The following FAM168A variants were observed in gnomAD, a reference collection of about 807,000 sequenced individuals.
FAM168A encodes family with sequence similarity 168 member A, also known as protein FAM168A.
In FAM168A, 3 loss-of-function variants were observed where a neutral mutation model predicts 28.5. The observed-to-expected ratio is 0.11, with a 90% CI of 0.05 to 0.27. FAM168A has a LOEUF of 0.27. Among genes scored for constraint, FAM168A ranks in the 10% least tolerant of loss-of-function variants. FAM168A has a pLI of 1.00. For missense variants in FAM168A, 222 were observed against 311.5 expected (o/e 0.71, Z 2.16); for synonymous variants, 122 against 124.2 (o/e 0.98, Z 0.12).
intron 2 of FAM168A, among the ~76,000 whole-genome samples, chr11:73,448,278 C>T (rs934399625): frequency 6.6e-6 from 1 of 152,082 alleles, no homozygotes; most frequent in African/African-American, 2.4e-5. Context: ...GATTTCTTGA[C>T]CTTGTGATCC....
At chr11:73,437,348 G>A (rs112003571) in intron 2 of FAM168A, among the ~76,000 whole-genome samples, 2 of 150,902 alleles carry the variant, frequency 1.3e-5, no homozygotes, top group East Asian at 1.9e-4. Context: ...CACCCACCTC[G>A]GCCTCCCAAA....
At chr11:73,591,967 A>G (rs1944387624) in intron 1 of FAM168A, among the ~76,000 whole-genome samples, 4 of 152,228 alleles carry the variant, frequency 2.6e-5, no homozygotes, top group African/African-American at 9.6e-5. Context: ...ACTCAAAATA[A>G]AAGATAGAGG....
At chr11:73,575,745 T>C (rs1944164793) in intron 1 of FAM168A, among the ~76,000 whole-genome samples, 1 of 152,038 alleles carries the variant, frequency 6.6e-6, no homozygotes, top group African/African-American at 2.4e-5. Context: ...GGCAGGAACC[T>C]ATACTCCCAG....
chr11:73,519,437 C>A (rs1943348117), intron 1 of FAM168A, among the ~76,000 whole-genome samples: 1 of 152,188 alleles, frequency 6.6e-6, no homozygotes, highest in South Asian at 2.1e-4. Context: ...AGAGTTTACA[C>A]TCTAGAGGAG....
rs527431966 is a variant in FAM168A at position 73,492,977 on chromosome 11, G to A, written c.-18-24485C>T. 2.4e-4 allele frequency among the ~76,000 whole-genome samples: 36 copies of A among 152,200 alleles called. 1 individual carries two copies. The South Asian group carries it at 7.0e-3, about 30-fold the overall frequency. ...ACTTATAAGCAGGAACTAAACATTG[G>A]GTAAGCATGGACAAAAAGATGGCAA... is the stretch of plus-strand genomic sequence containing the variant. On this transcript the variant is annotated intron_variant, in intron 1 of 7. Coordinates refer to ENST00000356467, the MANE Select transcript of FAM168A (RefSeq NM_015159.3).
At chr11:73,429,131 A>ATT (rs1447867835) in intron 3 of FAM168A, among the ~76,000 whole-genome samples, 1 of 152,204 alleles carries the variant, frequency 6.6e-6, no homozygotes, top group Non-Finnish European at 1.5e-5. Flanking sequence ...AATCTAGGAA[A>ATT]TGACACAGTG....
At chr11:73,411,315 C>T in intron 5 of FAM168A, 79 bp downstream of exon 5, 1 of 1,477,110 alleles carries the variant, frequency 6.8e-7, no homozygotes, top group South Asian at 1.4e-5. Flanking sequence ...TCCCTCACTT[C>T]CTCACCCTAC....
intron 1 of FAM168A, among the ~76,000 whole-genome samples, chr11:73,543,127 C>G (rs1238443971): frequency 6.6e-6 from 1 of 152,150 alleles, no homozygotes; most frequent in Non-Finnish European, 1.5e-5. Flanking sequence ...TTTTCCCATA[C>G]ACTGCCTGTT....
intron 1 of FAM168A, among the ~76,000 whole-genome samples, chr11:73,582,252 T>G (rs1944257147): frequency 6.6e-6 from 1 of 151,440 alleles, no homozygotes; most frequent in East Asian, 2.0e-4. Context: ...CCGGGCACCG[T>G]GACTCATGCC....
At chr11:73,418,489 A>C (rs560173721) in intron 4 of FAM168A, among the ~76,000 whole-genome samples, 1 of 152,380 alleles carries the variant, frequency 6.6e-6, no homozygotes, top group African/African-American at 2.4e-5. Flanking sequence ...CCGTAAGCCA[A>C]TTAAACCTCT....
At chr11:73,482,534 G>C (rs962742426) in intron 1 of FAM168A, among the ~76,000 whole-genome samples, 1 of 151,758 alleles carries the variant, frequency 6.6e-6, no homozygotes, top group Non-Finnish European at 1.5e-5. Flanking sequence ...AGAAATACAG[G>C]TGTTTGTTGA....
intron 1 of FAM168A, among the ~76,000 whole-genome samples, chr11:73,529,958 T>C (rs913621432): frequency 6.6e-6 from 1 of 152,018 alleles, no homozygotes; most frequent in African/African-American, 2.4e-5. Flanking sequence ...AGCTAATTTT[T>C]GTATTTTTAG....
intron 1 of FAM168A, among the ~76,000 whole-genome samples, chr11:73,551,469 A>T (rs886572448): frequency 6.6e-6 from 1 of 152,248 alleles, no homozygotes; most frequent in Non-Finnish European, 1.5e-5. Context: ...TGATTCAGCT[A>T]TATAGCACAA....
chr11:73,516,724 C>A (rs1269037057), intron 1 of FAM168A, among the ~76,000 whole-genome samples: 1 of 152,148 alleles, frequency 6.6e-6, no homozygotes, highest in Non-Finnish European at 1.5e-5. Flanking sequence ...ATGGGCAATT[C>A]ACTTCTAATT....
intron 1 of FAM168A, among the ~76,000 whole-genome samples, chr11:73,500,852 T>C (rs1254493241): frequency 2.6e-5 from 4 of 152,082 alleles, no homozygotes; most frequent in Admixed American, 1.3e-4. Context: ...TAACCTTAAA[T>C]GTAAATGGGC....
At chr11:73,417,212 G>A (rs1041169946) in intron 4 of FAM168A, among the ~76,000 whole-genome samples, 1 of 152,176 alleles carries the variant, frequency 6.6e-6, no homozygotes, top group East Asian at 1.9e-4. Flanking sequence ...AAGACGCTGA[G>A]TACACATCAT....
Position 73,409,580 on chromosome 11 carries a change from G to C in FAM168A, c.502C>G (p.Pro168Ala), listed in dbSNP as rs891427523. ...ACAGGTGCTGGGTAGATAGCAGAGGGAATGCTGTTGGGCTGGACGACCGTG... is the reference window on the plus strand; with the variant it reads ...ACAGGTGCTGGGTAGATAGCAGAGGCAATGCTGTTGGGCTGGACGACCGTG... Reference protein sequence around the residue: ...HTTVVQPNSIPSAIYPAPVAA... With the variant: ...HTTVVQPNSIASAIYPAPVAA... The change falls in exon 6 of 8, where the codon CCC (proline) becomes GCC (alanine). Residue 168 changes from proline (P) to alanine (A), a missense_variant. Around this residue, in one of 3 missense-constraint regions of FAM168A, gnomAD observed 5 missense variants for 27.6 expected, o/e 0.18. Transcript: ENST00000356467. 1 of 1,613,974 alleles carries C rather than the reference G, an allele frequency of 6.2e-7. No homozygotes were observed. The highest frequency in any genetic ancestry group is 8.5e-7 in the Non-Finnish European group (1 of 1,179,964).
intron 3 of FAM168A, among the ~76,000 whole-genome samples, chr11:73,421,514 T>C (rs1464112665): frequency 3.3e-5 from 5 of 152,176 alleles, no homozygotes; most frequent in Non-Finnish European, 5.9e-5. Context: ...CAGTACTCCA[T>C]GTAGAGCCCA....
chr11:73,494,732 A>G (rs79181986), intron 1 of FAM168A, among the ~76,000 whole-genome samples: 2,422 of 152,246 alleles, frequency 0.016, 63 homozygotes, highest in African/African-American at 0.056. Flanking sequence ...AGAAGAAGTT[A>G]GGTCATGCCT....
Sources: allele counts gnomAD v4.1 joint callset (sites outside exome capture counted in the v4.1 genomes callset), GRCh38; gene constraint gnomAD v4.1.1; regional missense constraint gnomAD v4.1.1; transcripts MANE v1.5; gene names NCBI Gene and HGNC (gene_info 2026-07-23, HGNC 2026-07-21).